Variants in TSPAN5 observed in about 807,000 individuals in gnomAD.
The protein encoded by TSPAN5 is tetraspanin 5, also known as tetraspanin-5.
TSPAN5 carries 10 observed loss-of-function variants against 37.1 expected under a neutral mutation model. The ratio of observed to expected loss-of-function variants is 0.27; its 90% CI spans 0.17 to 0.46. TSPAN5 has a LOEUF of 0.46. Ranked by LOEUF, TSPAN5 falls within the 20% of genes least tolerant of loss-of-function variation. TSPAN5 has a pLI of 1.00. For synonymous variants in TSPAN5, 110 were observed against 118.9 expected, an observed-to-expected ratio of 0.93 and a Z score of 0.48; for missense variants, 195 against 326.6, an observed-to-expected ratio of 0.60 and a Z score of 3.11.
intron 1 of TSPAN5, among the ~76,000 whole-genome samples, chr4:98,632,207 T>C (rs1273802254): frequency 6.6e-6 from 1 of 152,168 alleles, no homozygotes; most frequent in Non-Finnish European, 1.5e-5. Context: ...CCCACTATCA[T>C]ATTCCAAAAT....
chr4:98,644,641 A>T (rs1757025210), intron 1 of TSPAN5, among the ~76,000 whole-genome samples: 1 of 152,166 alleles, frequency 6.6e-6, no homozygotes, highest in African/African-American at 2.4e-5. Context: ...CCCTATTTTT[A>T]AAATGCATTA....
chr4:98,516,812 C>G (rs1753740664), intron 1 of TSPAN5, among the ~76,000 whole-genome samples: 1 of 152,174 alleles, frequency 6.6e-6, no homozygotes, highest in Non-Finnish European at 1.5e-5. Flanking sequence ...TTATTTCCCA[C>G]AAGAGTTGGT....
chr4:98,513,053 GA>G (rs1753645014), intron 1 of TSPAN5, among the ~76,000 whole-genome samples: 1 of 152,234 alleles, frequency 6.6e-6, no homozygotes, highest in East Asian at 1.9e-4. Context: ...CAAAGGATGA[GA>G]AGGAGTTAAT....
intron 1 of TSPAN5, among the ~76,000 whole-genome samples, chr4:98,626,326 T>C (rs1162906532): frequency 1.3e-5 from 2 of 152,200 alleles, no homozygotes; most frequent in African/African-American, 4.8e-5. Flanking sequence ...CCTCCCATAA[T>C]TGATCTTAAA....
chr4:98,556,037 A>AACCCCC, intron 1 of TSPAN5, among the ~76,000 whole-genome samples: 1 of 63,396 alleles, frequency 1.6e-5, no homozygotes, highest in Non-Finnish European at 2.9e-5. Flanking sequence ...CACACACAGC[A>AACCCCC]CCCCCACACA....
At chr4:98,612,302 G>A (rs1209629022) in intron 1 of TSPAN5, among the ~76,000 whole-genome samples, 1 of 152,120 alleles carries the variant, frequency 6.6e-6, no homozygotes, top group African/African-American at 2.4e-5. Flanking sequence ...ATACAAAAGG[G>A]TTGTAGGTGA....
chr4:98,580,446 C>T (rs1353668794), intron 1 of TSPAN5, among the ~76,000 whole-genome samples: 1 of 151,722 alleles, frequency 6.6e-6, no homozygotes, highest in Non-Finnish European at 1.5e-5. Context: ...TTGGCTCAGA[C>T]TTCCAGGGCA....
At chr4:98,577,425 C>T (rs969640537) in intron 1 of TSPAN5, among the ~76,000 whole-genome samples, 2 of 152,128 alleles carry the variant, frequency 1.3e-5, no homozygotes, top group Non-Finnish European at 2.9e-5. Context: ...TGCCTTCTCC[C>T]AGCCCAGAGA....
chr4:98,518,652 A>C (rs1189299098), intron 1 of TSPAN5, among the ~76,000 whole-genome samples: 1 of 152,244 alleles, frequency 6.6e-6, no homozygotes, highest in South Asian at 2.1e-4. Context: ...GGAACCTGCA[A>C]GTGGTTCCAG....
intron 7 of TSPAN5, among the ~76,000 whole-genome samples, chr4:98,474,756 T>C (rs948169087): frequency 6.6e-6 from 1 of 152,154 alleles, no homozygotes; most frequent in African/African-American, 2.4e-5. Context: ...TCACTGCAGC[T>C]TCAACCTTCT....
intron 1 of TSPAN5, among the ~76,000 whole-genome samples, chr4:98,645,080 C>T (rs974641423): frequency 3.9e-5 from 6 of 152,184 alleles, no homozygotes; most frequent in Admixed American, 6.5e-5. Flanking sequence ...AGTTTTAGAA[C>T]GTGGCATTAA....
chr4:98,474,333 C>T (rs1752648879), intron 7 of TSPAN5, among the ~76,000 whole-genome samples: 1 of 152,180 alleles, frequency 6.6e-6, no homozygotes, highest in South Asian at 2.1e-4. Flanking sequence ...CAAAAATCAA[C>T]TGACCATATA....
chr4:98,639,525 T>A (rs1037569149), intron 1 of TSPAN5, among the ~76,000 whole-genome samples: 1 of 151,114 alleles, frequency 6.6e-6, no homozygotes, highest in Non-Finnish European at 1.5e-5. Flanking sequence ...CTCATTTTTG[T>A]TGCCCAGCCT....
intron 1 of TSPAN5, among the ~76,000 whole-genome samples, chr4:98,610,129 C>T (rs1392627470): frequency 2.0e-5 from 3 of 152,204 alleles, no homozygotes; most frequent in Non-Finnish European, 4.4e-5. Context: ...GAAATAAACT[C>T]ATTTCTCACA....
intron 5 of TSPAN5, 115 bp downstream of exon 5, chr4:98,478,570 A>G (rs181490808): frequency 7.7e-7 from 1 of 1,292,642 alleles, no homozygotes; most frequent in East Asian, 2.3e-5. Context: ...CAGGAGCTAC[A>G]AATACGAGTA....
At chr4:98,575,635 C>G (rs1203627258) in intron 1 of TSPAN5, among the ~76,000 whole-genome samples, 3 of 152,066 alleles carry the variant, frequency 2.0e-5, no homozygotes, top group African/African-American at 4.8e-5. Flanking sequence ...ACAACAGCAG[C>G]AAAATCTCCT....
intron 1 of TSPAN5, among the ~76,000 whole-genome samples, chr4:98,581,083 A>G (rs937145374): frequency 6.6e-6 from 1 of 152,234 alleles, no homozygotes; most frequent in Non-Finnish European, 1.5e-5. Flanking sequence ...ATCTGTTGGC[A>G]CTGAGAGGCC....
chr4:98,623,617 C>A (rs1388638983), intron 1 of TSPAN5, among the ~76,000 whole-genome samples: 1 of 152,158 alleles, frequency 6.6e-6, no homozygotes, highest in African/African-American at 2.4e-5. Flanking sequence ...TAAATTTTAA[C>A]TTTGTAATCA....
intron 1 of TSPAN5, among the ~76,000 whole-genome samples, chr4:98,613,879 T>A (rs1043196431): frequency 2.6e-5 from 4 of 152,114 alleles, no homozygotes; most frequent in African/African-American, 9.7e-5. Context: ...CCAAAATGAC[T>A]CACGCTGCAT....
Sources: gnomAD v4.1 joint callset for allele counts (sites outside exome capture counted in the v4.1 genomes callset) on GRCh38, gnomAD v4.1.1 for gene constraint, MANE v1.5 for transcripts, NCBI Gene and HGNC (gene_info 2026-07-23, HGNC 2026-07-21) for gene names.